The following KLHL7 variants were observed in gnomAD, a reference collection of about 807,000 sequenced individuals.
The protein encoded by KLHL7 is kelch-like protein 7.
KLHL7 carries 44 observed loss-of-function variants against 67.4 expected under a neutral mutation model. That is an observed-to-expected ratio of 0.65 (90% CI 0.51 to 0.84). The LOEUF is 0.84. KLHL7 is among the 40% of genes least tolerant of loss of function. The probability of loss-of-function intolerance (pLI) is 0.00; values close to 1 mark genes in which losing one functional copy is unlikely to be tolerated. For synonymous variants in KLHL7, 252 were observed against 243.3 expected, an observed-to-expected ratio of 1.04 and a Z score of -0.33; for missense variants, 362 against 718.1, an observed-to-expected ratio of 0.50 and a Z score of 5.67.
chr7:23,112,484 G>A (rs944711132), intron 1 of KLHL7, among the ~76,000 whole-genome samples: 1 of 152,140 alleles, frequency 6.6e-6, no homozygotes, highest in African/African-American at 2.4e-5. Context: ...CAGAATAAAG[G>A]ATAGAAAATG....
At chr7:23,167,673 G>A (rs1331266351) in intron 8 of KLHL7, among the ~76,000 whole-genome samples, 163 bp from the exon 9 acceptor site, 1 of 152,074 alleles carries the variant, frequency 6.6e-6, no homozygotes, top group Non-Finnish European at 1.5e-5. Flanking sequence ...GATTATTAGC[G>A]TTTTCTTAAA....
intron 9 of KLHL7, among the ~76,000 whole-genome samples, chr7:23,170,169 G>A (rs1433473108): frequency 3.9e-5 from 6 of 152,190 alleles, no homozygotes; most frequent in African/African-American, 7.2e-5. Context: ...AGCTGAGATC[G>A]TGCCATTGCA....
intron 4 of KLHL7, among the ~76,000 whole-genome samples, chr7:23,128,597 G>A (rs190317811): frequency 8.9e-4 from 136 of 151,956 alleles, no homozygotes; most frequent in Non-Finnish European, 1.4e-3. Context: ...AAATATTCTG[G>A]AACTAGATAG....
At chr7:23,118,092 T>A in intron 1 of KLHL7, 1 of 1,141,844 alleles carries the variant, frequency 8.8e-7, no homozygotes, top group Non-Finnish European at 1.3e-6. Context: ...GCTTTAGCAC[T>A]TACATGGACC....
rs1562591163 is a variant in KLHL7 at position 23,165,738 on chromosome 7, G to A, written c.977G>A (p.Arg326Gln). ...GACATCCGCTGCCCCTTTGAAAAAC[G>A]AAGAGATGCAGCATGCGTGTTTTGG... Reference protein sequence around the residue: ...WTDIRCPFEKRRDAACVFWDN... With the variant: ...WTDIRCPFEKQRDAACVFWDN... Residue 326 changes from arginine to glutamine, a missense_variant, in exon 8 of 11, where the codon CGA (arginine) becomes CAA (glutamine). Around this residue, in one of 5 missense-constraint regions of KLHL7, gnomAD observed 12 missense variants for 81.8 expected, o/e 0.15. Transcript: ENST00000339077. 6.2e-7 allele frequency: 1 copy of A among 1,613,964 alleles called. No homozygotes were observed. Among genetic ancestry groups the A allele is most frequent in the Non-Finnish European group, 8.5e-7 (1 of 1,179,990 alleles).
chr7:23,171,628 A>G (rs368280920), intron 9 of KLHL7, among the ~76,000 whole-genome samples: 15 of 152,352 alleles, frequency 9.8e-5, no homozygotes, highest in African/African-American at 3.6e-4. Flanking sequence ...AAAACAATAC[A>G]TAAATGTAAG....
At chr7:23,169,975 C>T (rs991827999) in intron 9 of KLHL7, among the ~76,000 whole-genome samples, 5 of 152,160 alleles carry the variant, frequency 3.3e-5, no homozygotes, top group African/African-American at 7.2e-5. Context: ...TTTGGGAGGC[C>T]GAGGCTGGTG....
intron 4 of KLHL7, among the ~76,000 whole-genome samples, chr7:23,128,279 C>T (rs1783656636): frequency 6.6e-6 from 1 of 150,728 alleles, no homozygotes; most frequent in Admixed American, 6.6e-5. Flanking sequence ...CCTCATGATA[C>T]GAAACAAAAA....
At chr7:23,150,495 T>C (rs1185113774) in intron 6 of KLHL7, among the ~76,000 whole-genome samples, 7 of 152,162 alleles carry the variant, frequency 4.6e-5, no homozygotes, top group Non-Finnish European at 1.0e-4. Flanking sequence ...TTCCATATTA[T>C]TTATTGGAGA....
At chr7:23,149,027 G>C (rs1784449545) in intron 6 of KLHL7, among the ~76,000 whole-genome samples, 1 of 152,072 alleles carries the variant, frequency 6.6e-6, no homozygotes, top group Non-Finnish European at 1.5e-5. Flanking sequence ...GGACTTTGTT[G>C]CCTTTCCAGA....
Position 23,105,986 on chromosome 7 carries a change from C to A in KLHL7, c.-41C>A, listed in dbSNP as rs746011195. ...GTGCCCAGAGAGTGCGACCCCTCGC[C>A]CGGCCCGGCGAGCCCCGGGCGTGAA... is the stretch of plus-strand genomic sequence containing the variant. On this transcript the variant is annotated 5_prime_UTR_variant, in exon 1 of 11. Transcript: ENST00000339077. 1.3e-6 allele frequency: 2 copies of A among 1,598,146 alleles called. No individual in the cohort carries two copies. The highest frequency in any genetic ancestry group is 2.3e-5 in the South Asian group (2 of 88,422).
chr7:23,131,723 CTTAT>C (rs1783806091), intron 4 of KLHL7, among the ~76,000 whole-genome samples: 1 of 135,560 alleles, frequency 7.4e-6, no homozygotes, highest in African/African-American at 3.0e-5. Context: ...AATAATAGGT[CTTAT>C]TTATTCTTTT....
At chr7:23,109,762 T>C (rs1250135464) in intron 1 of KLHL7, among the ~76,000 whole-genome samples, 2 of 152,242 alleles carry the variant, frequency 1.3e-5, no homozygotes, top group African/African-American at 2.4e-5. Context: ...TGAGCACTTA[T>C]AACTGTTCCA....
At chr7:23,132,193 T>C (rs558582972) in intron 4 of KLHL7, among the ~76,000 whole-genome samples, 8 of 152,350 alleles carry the variant, frequency 5.3e-5, no homozygotes, top group African/African-American at 1.9e-4. Context: ...CTGGATCACA[T>C]GTTAGCTCAA....
intron 1 of KLHL7, chr7:23,117,786 A>G (rs1562553249): frequency 1.3e-6 from 2 of 1,521,954 alleles, no homozygotes; most frequent in East Asian, 2.4e-5. Flanking sequence ...ATCCAAGAAA[A>G]TTATTTACCC....
chr7:23,125,287 C>A, intron 4 of KLHL7, 115 bp downstream of exon 4: 1 of 1,073,890 alleles, frequency 9.3e-7, no homozygotes, highest in South Asian at 1.4e-5. Flanking sequence ...AGACATTGTC[C>A]ACTAGAACGT....
At chr7:23,131,733 C>CTTTT (rs59719158) in intron 4 of KLHL7, among the ~76,000 whole-genome samples, 1 of 125,258 alleles carries the variant, frequency 8.0e-6, no homozygotes, top group Non-Finnish European at 1.7e-5. Context: ...CTTATTTATT[C>CTTTT]TTTTTTTTTT....
intron 4 of KLHL7, chr7:23,126,089 A>G (rs369835674): frequency 1.8e-6 from 1 of 570,674 alleles, no homozygotes; most frequent in East Asian, 3.4e-5. Context: ...GGCCATTATT[A>G]AGTAAAATAA....
At chr7:23,149,193 G>T (rs762468104) in intron 6 of KLHL7, among the ~76,000 whole-genome samples, 4 of 152,126 alleles carry the variant, frequency 2.6e-5, no homozygotes, top group Non-Finnish European at 5.9e-5. Context: ...ATTTAGAAAT[G>T]ATTATACCTA....
Sources: allele counts gnomAD v4.1 joint callset (sites outside exome capture counted in the v4.1 genomes callset), GRCh38; gene constraint gnomAD v4.1.1; regional missense constraint gnomAD v4.1.1; transcripts MANE v1.5; gene names NCBI Gene and HGNC (gene_info 2026-07-23, HGNC 2026-07-21).